NELL1: variants seen among roughly 807,000 people sequenced by gnomAD.
NELL1 encodes protein kinase C-binding protein NELL1.
NELL1 carries 76 observed loss-of-function variants against 107.4 expected under a neutral mutation model. That is an observed-to-expected ratio of 0.71 (90% confidence interval 0.59 to 0.86). The LOEUF (loss-of-function observed/expected upper bound fraction) is 0.86, where lower values mean the gene tolerates loss of function less well. Ranked by LOEUF, NELL1 falls within the 40% of genes least tolerant of loss-of-function variation. NELL1 has a pLI of 0.00. For missense variants in NELL1, 1,024 were observed against 1,005.5 expected (o/e 1.02, Z -0.25); for synonymous variants, 353 against 341.2 (o/e 1.03, Z -0.38).
intron 13 of NELL1, among the ~76,000 whole-genome samples, chr11:21,223,759 C>A (rs1857821201): frequency 6.6e-6 from 1 of 152,108 alleles, no homozygotes; most frequent in South Asian, 2.1e-4. Context: ...TACATGAGTA[C>A]TACTTTCATG....
intron 15 of NELL1, among the ~76,000 whole-genome samples, chr11:21,514,750 A>T (rs1425082050): frequency 1.4e-5 from 2 of 147,450 alleles, no homozygotes; most frequent in Non-Finnish European, 2.9e-5. Flanking sequence ...GTGGGAATAC[A>T]TCTGTCACAG....
At chr11:21,067,558 T>G (rs1853906138) in intron 12 of NELL1, among the ~76,000 whole-genome samples, 1 of 152,136 alleles carries the variant, frequency 6.6e-6, no homozygotes, top group Non-Finnish European at 1.5e-5. Context: ...TGAAGAAATT[T>G]TACAGAGAGG....
At chr11:21,018,471 AC>A (rs1445422732) in intron 12 of NELL1, among the ~76,000 whole-genome samples, 1 of 151,986 alleles carries the variant, frequency 6.6e-6, no homozygotes, top group East Asian at 1.9e-4. Flanking sequence ...GAACAAACTT[AC>A]TGCTGTTGTG....
chr11:20,980,098 G>C (rs1410034200), intron 12 of NELL1, among the ~76,000 whole-genome samples: 1 of 152,106 alleles, frequency 6.6e-6, no homozygotes, highest in Non-Finnish European at 1.5e-5. Flanking sequence ...TTTTTTAAAA[G>C]TTTGAAAAGT....
chr11:21,228,442 A>G (rs1018987466), intron 13 of NELL1, among the ~76,000 whole-genome samples: 4 of 152,126 alleles, frequency 2.6e-5, no homozygotes, highest in Admixed American at 6.5e-5. Flanking sequence ...AGTGGGCTAT[A>G]TGGAAAATTA....
chr11:21,375,060 T>C (rs961607898), intron 15 of NELL1, among the ~76,000 whole-genome samples: 5 of 152,046 alleles, frequency 3.3e-5, no homozygotes, highest in African/African-American at 7.2e-5. Flanking sequence ...TTTCAACTTT[T>C]ATTTTAGATT....
chr11:20,939,369 A>G (rs1195614384), intron 10 of NELL1, among the ~76,000 whole-genome samples: 1 of 151,726 alleles, frequency 6.6e-6, no homozygotes, highest in African/African-American at 2.4e-5. Flanking sequence ...ACCAGGCTTG[A>G]TACTAGATAG....
chr11:20,992,267 T>C (rs1280319251), intron 12 of NELL1, among the ~76,000 whole-genome samples: 2 of 152,368 alleles, frequency 1.3e-5, no homozygotes, highest in Non-Finnish European at 2.9e-5. Context: ...TCCATGCTTT[T>C]AATTTCTGTG....
At chr11:20,835,426 G>T (rs1189786006) in intron 3 of NELL1, among the ~76,000 whole-genome samples, 2 of 152,136 alleles carry the variant, frequency 1.3e-5, no homozygotes, top group Non-Finnish European at 2.9e-5. Context: ...GAGAAAATGG[G>T]CCTTTACCTA....
intron 2 of NELL1, among the ~76,000 whole-genome samples, chr11:20,707,662 C>T (rs990791860): frequency 3.3e-5 from 5 of 152,150 alleles, no homozygotes; most frequent in African/African-American, 1.2e-4. Flanking sequence ...CTGGGTTTCA[C>T]CAGTAGAGGC....
At chr11:21,302,710 G>GT (rs957751224) in intron 14 of NELL1, among the ~76,000 whole-genome samples, 7 of 151,850 alleles carry the variant, frequency 4.6e-5, no homozygotes, top group Non-Finnish European at 7.4e-5. Context: ...ACATTTGTTG[G>GT]TTTTTTTCCT....
chr11:20,855,057 A>G (rs1277108356), intron 4 of NELL1, among the ~76,000 whole-genome samples: 1 of 152,154 alleles, frequency 6.6e-6, no homozygotes, highest in African/African-American at 2.4e-5. Context: ...TACTCATGCT[A>G]TGTACCCTGT....
chr11:21,088,259 A>C (rs1167294407), intron 12 of NELL1, among the ~76,000 whole-genome samples: 1 of 152,172 alleles, frequency 6.6e-6, no homozygotes, highest in Non-Finnish European at 1.5e-5. Context: ...GCAAAATAAT[A>C]ATCGTGATAG....
Position 21,226,531 on chromosome 11 carries a change from G to T in NELL1, c.1427-2801G>T, listed in dbSNP as rs563383730. On this transcript the variant is annotated intron_variant, in intron 13 of 19. Transcript: ENST00000357134. Reference sequence around the variant, plus strand: ...ATGAGCAAACTTACTTCATTTAATTGCTGGGAGAATTAAATGGTATAATAT... The same window carrying T: ...ATGAGCAAACTTACTTCATTTAATTTCTGGGAGAATTAAATGGTATAATAT... Among the ~76,000 whole-genome samples the T allele has an allele frequency of 1.8e-4, 28 of 152,218 alleles. No individual in the cohort carries two copies. In the South Asian group the frequency reaches 5.8e-3, roughly 32 times the overall value.
At chr11:21,128,459 A>G (rs1178889493) in intron 13 of NELL1, among the ~76,000 whole-genome samples, 1 of 152,214 alleles carries the variant, frequency 6.6e-6, no homozygotes, top group Non-Finnish European at 1.5e-5. Flanking sequence ...TTAGAGACAT[A>G]TAAGGCATCA....
chr11:21,420,366 A>T (rs868191573), intron 15 of NELL1, among the ~76,000 whole-genome samples: 7 of 152,276 alleles, frequency 4.6e-5, no homozygotes, highest in Middle Eastern at 3.4e-3. Context: ...GATATAAATG[A>T]TAGTAAAGGA....
intron 15 of NELL1, among the ~76,000 whole-genome samples, chr11:21,466,713 CAG>C (rs1854041300): frequency 1.3e-5 from 2 of 152,054 alleles, no homozygotes; most frequent in African/African-American, 4.8e-5. Flanking sequence ...CTCCAATCAA[CAG>C]AGTTTGGGTA....
At chr11:20,742,013 T>G (rs1311687543) in intron 2 of NELL1, among the ~76,000 whole-genome samples, 2 of 152,232 alleles carry the variant, frequency 1.3e-5, no homozygotes, top group Admixed American at 1.3e-4. Flanking sequence ...TGCAGGTCTA[T>G]GGACCATACT....
In NELL1 at chr11:20,721,114, C is replaced by A. The variant is rs530097105; in HGVS notation, c.184+43054C>A. Among the ~76,000 whole-genome samples the A allele has an allele frequency of 1.3e-3, 199 of 149,380 alleles. 1 individual carries two copies. Among genetic ancestry groups the A allele is most frequent in the African/African-American group, 4.8e-3 (190 of 39,662 alleles). On this transcript the variant is annotated intron_variant, in intron 2 of 19. Transcript: ENST00000357134. The stretch of plus-strand genomic sequence containing the variant: ...GAATCAAAATCAGTCTAGCTTCCAA[C>A]AATACAGTCTCCTTTCTGCCCACTG...
Sources: gnomAD v4.1 joint callset for allele counts (sites outside exome capture counted in the v4.1 genomes callset) on GRCh38, gnomAD v4.1.1 for gene constraint, MANE v1.5 for transcripts, NCBI Gene and HGNC (gene_info 2026-07-23, HGNC 2026-07-21) for gene names.